The following PTPRM variants were observed in gnomAD, a reference collection of about 807,000 sequenced individuals.
PTPRM encodes protein tyrosine phosphatase receptor type M.
A neutral mutation model predicts 186.7 loss-of-function variants in PTPRM; 47 were observed. The observed-to-expected ratio is 0.25, with a 90% CI of 0.20 to 0.32. The LOEUF (loss-of-function observed/expected upper bound fraction) is 0.32. Among genes scored for constraint, PTPRM ranks in the 10% least tolerant of loss-of-function variants. The probability of loss-of-function intolerance (pLI) is 1.00; values close to 1 mark genes in which losing one functional copy is unlikely to be tolerated. For synonymous variants in PTPRM, 668 were observed against 674.9 expected, an observed-to-expected ratio of 0.99 and a Z score of 0.16; for missense variants, 1,494 against 1,865.0, an observed-to-expected ratio of 0.80 and a Z score of 3.66.
At chr18:8,217,776 T>G (rs2094107608) in intron 14 of PTPRM, among the ~76,000 whole-genome samples, 2 of 152,210 alleles carry the variant, frequency 1.3e-5, no homozygotes, top group Non-Finnish European at 2.9e-5. Context: ...TCAGCATTCA[T>G]ATATTTCCGT....
At chr18:8,234,885 A>G (rs911001477) in intron 14 of PTPRM, among the ~76,000 whole-genome samples, 2 of 152,094 alleles carry the variant, frequency 1.3e-5, no homozygotes, top group Non-Finnish European at 2.9e-5. Flanking sequence ...GATGGATTGC[A>G]TTTTTTGAGT....
chr18:8,177,291 T>C (rs2093499558), intron 14 of PTPRM, among the ~76,000 whole-genome samples: 1 of 152,212 alleles, frequency 6.6e-6, no homozygotes, highest in Non-Finnish European at 1.5e-5. Flanking sequence ...ATTCAACACA[T>C]TTTTTGAGAA....
intron 15 of PTPRM, among the ~76,000 whole-genome samples, chr18:8,245,342 CAT>C (rs1432795235): frequency 6.6e-6 from 1 of 152,194 alleles, no homozygotes; most frequent in Middle Eastern, 3.2e-3. Context: ...TACACACACA[CAT>C]GGCCCAGTGG....
chr18:8,271,881 C>A (rs1261496512), intron 19 of PTPRM, among the ~76,000 whole-genome samples: 4 of 151,910 alleles, frequency 2.6e-5, no homozygotes, highest in Non-Finnish European at 5.9e-5. Context: ...AGCATTCCTG[C>A]CAGACGTTTG....
At chr18:7,654,066 C>A (rs566702936) in intron 1 of PTPRM, among the ~76,000 whole-genome samples, 1 of 152,184 alleles carries the variant, frequency 6.6e-6, no homozygotes, top group East Asian at 1.9e-4. Context: ...CTCTAATGAT[C>A]GGTGATGTTG....
intron 5 of PTPRM, among the ~76,000 whole-genome samples, chr18:7,944,547 G>A (rs1372094958): frequency 6.6e-6 from 1 of 152,176 alleles, no homozygotes; most frequent in African/African-American, 2.4e-5. Context: ...GTTGCAGTCT[G>A]TATTGTGCTT....
chr18:7,733,786 C>A (rs1438108146), intron 1 of PTPRM, among the ~76,000 whole-genome samples: 2 of 152,194 alleles, frequency 1.3e-5, no homozygotes, highest in Admixed American at 6.5e-5. Context: ...TCCTCCCCTG[C>A]ATAAGGCACA....
chr18:7,879,761 A>AACTT (rs1385554969), intron 2 of PTPRM, among the ~76,000 whole-genome samples: 1 of 152,202 alleles, frequency 6.6e-6, no homozygotes, highest in Non-Finnish European at 1.5e-5. Flanking sequence ...TCTCTCAAGT[A>AACTT]GAACAGAGTA....
chr18:8,134,745 C>G (rs182365911), intron 13 of PTPRM, among the ~76,000 whole-genome samples: 37 of 151,984 alleles, frequency 2.4e-4, no homozygotes, highest in African/African-American at 6.0e-4. Flanking sequence ...CTTTTTCATT[C>G]TTTTGTTAGG....
At chr18:7,736,034 C>G (rs1219673438) in intron 1 of PTPRM, among the ~76,000 whole-genome samples, 2 of 152,098 alleles carry the variant, frequency 1.3e-5, no homozygotes, top group Admixed American at 6.6e-5. Flanking sequence ...AAGCTATAAC[C>G]TAACTACCTC....
At chr18:8,302,195 C>G (rs1296320377) in intron 20 of PTPRM, among the ~76,000 whole-genome samples, 1 of 152,140 alleles carries the variant, frequency 6.6e-6, no homozygotes, top group Non-Finnish European at 1.5e-5. Flanking sequence ...AACGTGGGGA[C>G]TGAGTGAGGA....
intron 7 of PTPRM, among the ~76,000 whole-genome samples, chr18:8,013,326 C>G (rs1362182190): frequency 6.6e-6 from 1 of 152,012 alleles, no homozygotes; most frequent in African/African-American, 2.4e-5. Context: ...TTGTGGCTCC[C>G]CAAAAACTTC....
intron 1 of PTPRM, among the ~76,000 whole-genome samples, chr18:7,631,693 AT>A (rs2038195440): frequency 6.6e-6 from 1 of 152,062 alleles, no homozygotes; most frequent in Admixed American, 6.6e-5. Context: ...GGTATGTTTT[AT>A]GTGTGGCCCA....
chr18:8,259,651 C>CT (rs375876416), intron 19 of PTPRM, among the ~76,000 whole-genome samples: 82 of 148,168 alleles, frequency 5.5e-4, no homozygotes, highest in South Asian at 1.5e-3. Context: ...TAAAATCTTG[C>CT]TTTTTTTTTT....
At chr18:7,939,137 C>T (rs146096869) in intron 5 of PTPRM, among the ~76,000 whole-genome samples, 158 of 152,118 alleles carry the variant, frequency 1.0e-3, no homozygotes, top group African/African-American at 3.7e-3. Context: ...TTAGTGATGT[C>T]GGTGGTAAGA....
intron 2 of PTPRM, among the ~76,000 whole-genome samples, chr18:7,882,919 G>A (rs9304005): frequency 0.082 from 12,413 of 152,274 alleles, 659 homozygotes; most frequent in African/African-American, 0.16. Flanking sequence ...GCCTTTGCCA[G>A]TGGATATGAT....
chr18:7,719,120 C>T (rs1048753610), intron 1 of PTPRM, among the ~76,000 whole-genome samples: 3 of 151,980 alleles, frequency 2.0e-5, no homozygotes, highest in Non-Finnish European at 2.9e-5. Flanking sequence ...GCATAATTTG[C>T]GATTGTAAAA....
intron 7 of PTPRM, among the ~76,000 whole-genome samples, chr18:8,035,840 G>A (rs1391987805): frequency 6.6e-6 from 1 of 152,132 alleles, no homozygotes; most frequent in Non-Finnish European, 1.5e-5. Context: ...ACAGTATTTT[G>A]TATCTCGATT....
At chr18:7,866,622 T>C (rs1046561902) in intron 2 of PTPRM, among the ~76,000 whole-genome samples, 3 of 152,228 alleles carry the variant, frequency 2.0e-5, no homozygotes, top group African/African-American at 7.2e-5. Context: ...TGGTCAATTT[T>C]AGAATAAGTG....
Sources: gnomAD v4.1 joint callset for allele counts (sites outside exome capture counted in the v4.1 genomes callset) on GRCh38, gnomAD v4.1.1 for gene constraint, MANE v1.5 for transcripts, NCBI Gene and HGNC (gene_info 2026-07-23, HGNC 2026-07-21) for gene names.